The following GRIK5 variants were observed in gnomAD, a reference collection of about 807,000 sequenced individuals.
The protein encoded by GRIK5 is glutamate ionotropic receptor kainate type subunit 5.
GRIK5 carries 43 observed loss-of-function variants against 97.4 expected under a neutral mutation model. That is an observed-to-expected ratio of 0.44 (90% CI 0.35 to 0.57). GRIK5 has a LOEUF of 0.57. Among genes scored for constraint, GRIK5 ranks in the 20% least tolerant of loss-of-function variants. GRIK5 has a pLI of 0.01. For synonymous variants in GRIK5, 580 were observed against 583.5 expected, an observed-to-expected ratio of 0.99 and a Z score of 0.09; for missense variants, 1,015 against 1,382.0, an observed-to-expected ratio of 0.73 and a Z score of 4.21.
intron 15 of GRIK5, among the ~76,000 whole-genome samples, chr19:42,007,662 C>A (rs1212648998): frequency 2.0e-5 from 3 of 152,020 alleles, no homozygotes; most frequent in Non-Finnish European, 4.4e-5. Context: ...CCCCTTGAGT[C>A]TTTGGCTGAA....
At chr19:42,036,309 G>A (rs947443350) in intron 12 of GRIK5, among the ~76,000 whole-genome samples, 2 of 151,408 alleles carry the variant, frequency 1.3e-5, no homozygotes, top group Admixed American at 1.3e-4. Flanking sequence ...TGATCTGCTC[G>A]CCTTGGCCTC....
Position 42,050,792 on chromosome 19 carries a change from C to T in GRIK5, c.1269+2810G>A, listed in dbSNP as rs1309288132. Among the ~76,000 whole-genome samples, 6 of 152,000 alleles carry T rather than the reference C, an allele frequency of 3.9e-5. No homozygotes were observed. In the South Asian group the frequency reaches 6.2e-4, roughly 16 times the overall value. ...CCTCCTATGCCTGAGTTTCTTCATCCGAAAATCAGGGCTTCTGTGAAGATT... is the reference window on the plus strand; with the variant it reads ...CCTCCTATGCCTGAGTTTCTTCATCTGAAAATCAGGGCTTCTGTGAAGATT... On this transcript the variant is annotated intron_variant, in intron 11 of 19. Transcript: ENST00000593562.
intron 17 of GRIK5, among the ~76,000 whole-genome samples, chr19:42,004,347 C>T (rs1159305622): frequency 5.3e-5 from 8 of 152,196 alleles, no homozygotes; most frequent in Admixed American, 5.2e-4. Flanking sequence ...ACATCCTGCC[C>T]TTAAGCCATC....
intron 17 of GRIK5, among the ~76,000 whole-genome samples, chr19:42,005,421 C>A (rs868961020): frequency 1.3e-5 from 2 of 152,148 alleles, no homozygotes; most frequent in Non-Finnish European, 2.9e-5. Context: ...GTCCTCACCC[C>A]CACAGGGCCC....
intron 12 of GRIK5, among the ~76,000 whole-genome samples, chr19:42,041,897 C>T (rs2075981857): frequency 6.6e-6 from 1 of 152,186 alleles, no homozygotes; most frequent in Non-Finnish European, 1.5e-5. Context: ...CTGGGACCGT[C>T]CTCTGAGCTC....
Position 42,022,258 on chromosome 19 carries a change from G to C in GRIK5, c.1570C>G (p.Leu524Val). 1 of 1,612,192 alleles carries C rather than the reference G, an allele frequency of 6.2e-7. No individual in the cohort carries two copies. Among genetic ancestry groups the C allele is most frequent in the Non-Finnish European group, 8.5e-7 (1 of 1,178,176 alleles). ...KPFMTLGISI[L>V]YRVHMGRKPG... ...AACCATACCATGTGCACTCGGTAGAGGATGCTGATCCCCAGGGTCATAAAG... is the reference window on the plus strand; with the variant it reads ...AACCATACCATGTGCACTCGGTAGACGATGCTGATCCCCAGGGTCATAAAG... The change falls in exon 13 of 20, where the codon CTC becomes GTC. Residue 524 changes from leucine to valine, a missense_variant. Leu to Val is a conservative substitution (Grantham distance 32). Around this residue, in one of 5 missense-constraint regions of GRIK5, gnomAD observed 477 missense variants for 701.1 expected, o/e 0.68. Transcript: ENST00000593562. This position sits in a 1 kb window ranked among gnomAD's most constrained non-coding sequence, Gnocchi z 4.2.
chr19:42,069,717 G>A lies in GRIK5; in HGVS notation c.-527C>T, dbSNP rs963819584. Among the ~76,000 whole-genome samples the A allele has an allele frequency of 6.6e-6, 1 of 151,162 alleles. No individual in the cohort carries two copies. Among genetic ancestry groups the A allele is most frequent in the Non-Finnish European group, 1.5e-5 (1 of 67,606 alleles). The stretch of plus-strand genomic sequence containing the variant: ...AAGCCGGCCATCAGGAGAAGTGGGG[G>A]AGGGGAGGGCCTGCTGGGGGAGGGG... On this transcript the variant is annotated 5_prime_UTR_variant, in exon 1 of 20. Coordinates refer to ENST00000593562, the MANE Select transcript of GRIK5 (RefSeq NM_002088.5).
At position 42,013,287 on chromosome 19, in the gene GRIK5, G is replaced by T. The variant is rs542446055; in HGVS notation, c.1872-6477C>A. On this transcript the variant is annotated intron_variant, in intron 15 of 19. Transcript: ENST00000593562. ...AGATCCCTTGAGCCCAGGAGTTTGA[G>T]GCTGTAGGGAGCTATAAACACACAG... is the stretch of plus-strand genomic sequence containing the variant. 4.6e-5 allele frequency among the ~76,000 whole-genome samples: 7 copies of T among 152,002 alleles called. No individual in the cohort carries two copies. The South Asian group carries it at 1.5e-3, about 32-fold the overall frequency.
rs113280609 is a variant in GRIK5 at position 42,042,878 on chromosome 19, A to G, written c.1270-123T>C. The G allele has an allele frequency of 2.8e-6, 2 of 706,436 alleles. No homozygotes were observed. 43.8% of individuals were successfully genotyped at this position (706,436 alleles called of 1,614,324 possible). A position where few individuals can be genotyped will look rare whatever the true frequency, so the allele number is the denominator to read the frequency against. ...CTTGCTGAGCACGGTTGATTTATTC[A>G]TAGTACACATTTCTCACTTACAAAT... On this transcript the variant is annotated intron_variant, in intron 11 of 19. Coordinates refer to ENST00000593562, the MANE Select transcript of GRIK5 (RefSeq NM_002088.5). The surrounding 1 kb of genome is among the most constrained non-coding windows in gnomAD (Gnocchi z 6.9).
Position 42,053,715 on chromosome 19 carries a change from G to T in GRIK5, c.1162-6C>A, listed in dbSNP as rs1218600959. 1.9e-6 allele frequency: 3 copies of T among 1,587,962 alleles called. No individual in the cohort carries two copies. In the East Asian group the frequency reaches 6.7e-5, roughly 35 times the overall value. On this transcript the variant is annotated splice_region_variant and splice_polypyrimidine_tract_variant and intron_variant, in intron 10 of 19. Coordinates refer to ENST00000593562, the MANE Select transcript of GRIK5 (RefSeq NM_002088.5). ...TTAGAGTACCACACCCCAATCTAGG[G>T]GGCAGAGAGGGTGCTGTCAGCTCAG...
At position 42,062,555 on chromosome 19, in the gene GRIK5, C is replaced by T. The variant is rs972705356; in HGVS notation, c.441G>A (p.Leu147=). The T allele has an allele frequency of 6.2e-7, 1 of 1,614,052 alleles. No individual in the cohort carries two copies. The highest frequency in any genetic ancestry group is 1.1e-5 in the South Asian group (1 of 91,088). ...AGGACTTGAGGATTCGGGAGACCGC[C>T]AAGCTGACGTCCTCGTTACTGGGGT... ...SLYPSNEDVS[L]AVSRILKSFN... Residue 147 remains leucine (L), a synonymous_variant, in exon 5 of 20, where the codon TTG becomes TTA. Coordinates refer to ENST00000593562, the MANE Select transcript of GRIK5 (RefSeq NM_002088.5). This position sits in a 1 kb window ranked among gnomAD's most constrained non-coding sequence, Gnocchi z 5.3.
intron 11 of GRIK5, among the ~76,000 whole-genome samples, chr19:42,052,763 T>C (rs1189189433): frequency 6.6e-6 from 1 of 151,732 alleles, no homozygotes; most frequent in Non-Finnish European, 1.5e-5. Flanking sequence ...CGCCAGGCCC[T>C]GTGGATCACC....
At position 42,042,546 on chromosome 19, in the gene GRIK5, C is replaced by T. The variant is rs1181112709; in HGVS notation, c.1473+6G>A. On this transcript the variant is annotated splice_donor_region_variant and intron_variant, in intron 12 of 19. Coordinates refer to ENST00000593562, the MANE Select transcript of GRIK5 (RefSeq NM_002088.5). This position sits in a 1 kb window ranked among gnomAD's most constrained non-coding sequence, Gnocchi z 6.9. ...TGCATCTTTCCCGGCCCCAGTCCAGCCATACCCGGTTGATGAGCTCGCCAA... is the reference window on the plus strand; with the variant it reads ...TGCATCTTTCCCGGCCCCAGTCCAGTCATACCCGGTTGATGAGCTCGCCAA... 1.2e-6 allele frequency: 2 copies of T among 1,606,612 alleles called. No homozygotes were observed. Among genetic ancestry groups the T allele is most frequent in the Admixed American group, 3.3e-5 (2 of 59,948 alleles).
At chr19:42,007,588 T>C (rs552364643) in intron 15 of GRIK5, among the ~76,000 whole-genome samples, 4 of 151,948 alleles carry the variant, frequency 2.6e-5, no homozygotes, top group African/African-American at 9.7e-5. Context: ...TGGCTGGAAT[T>C]TGGGGGATAG....
chr19:42,059,803 T>C (rs2076235433), intron 5 of GRIK5, among the ~76,000 whole-genome samples: 1 of 152,148 alleles, frequency 6.6e-6, no homozygotes, highest in Non-Finnish European at 1.5e-5. Context: ...TATCTCATGC[T>C]TAATCTCCTT....
rs188102529 is a variant in GRIK5 at position 41,999,409 on chromosome 19, C to A, written c.2515-110G>T. On this transcript the variant is annotated intron_variant, in intron 19 of 19. Transcript: ENST00000593562. This position sits in a 1 kb window ranked among gnomAD's most constrained non-coding sequence, Gnocchi z 5.0. ...TCCTTTCCTCGCCCGGGTCTTTCTT[C>A]CTTCTGCCCTCGCTTCCCTTCCCAC... The A allele has an allele frequency of 7.3e-6, 6 of 820,744 alleles. No individual in the cohort carries two copies. Among genetic ancestry groups the A allele is most frequent in the Admixed American group, 6.7e-5 (2 of 30,014 alleles). The allele number at this position is 820,744 out of a possible 1,614,324, so 50.8% of individuals were successfully genotyped here.
At position 41,998,823 on chromosome 19, in the gene GRIK5, G is replaced by T; in HGVS notation, c.*48C>A. On this transcript the variant is annotated 3_prime_UTR_variant, in exon 20 of 20. Transcript: ENST00000593562. ...CGGAGACTGCTGGGGCCTGGGGCGG[G>T]CCCCGTCCCTTCGGTCAGTCCGGGC... 1.0e-6 allele frequency: 1 copy of T among 993,962 alleles called. No individual in the cohort carries two copies. The highest frequency in any genetic ancestry group is 1.2e-6 in the Non-Finnish European group (1 of 806,196). 61.6% of individuals were successfully genotyped at this position (993,962 alleles called of 1,614,324 possible).
At chr19:42,068,958 C>T (rs755871191) in intron 1 of GRIK5, 17 of 610,092 alleles carry the variant, frequency 2.8e-5, no homozygotes, top group Admixed American at 1.6e-4. Context: ...GCCAGGGGCC[C>T]GGGGTAAGTG....
chr19:42,036,228 T>C (rs887528033), intron 12 of GRIK5, among the ~76,000 whole-genome samples: 5 of 151,910 alleles, frequency 3.3e-5, no homozygotes, highest in Non-Finnish European at 4.4e-5. Context: ...CCTGGCTAAT[T>C]TTTTTGTACT....
Sources: allele counts gnomAD v4.1 joint callset (sites outside exome capture counted in the v4.1 genomes callset), GRCh38; gene constraint gnomAD v4.1.1; regional missense constraint gnomAD v4.1.1; non-coding constraint Gnocchi (gnomAD v3.1); transcripts MANE v1.5; gene names NCBI Gene and HGNC (gene_info 2026-07-23, HGNC 2026-07-21).